The following LRRC4C variants were observed in gnomAD, a reference collection of about 807,000 sequenced individuals.
The protein encoded by LRRC4C is leucine-rich repeat-containing protein 4C.
In LRRC4C, 5 loss-of-function variants were observed where a neutral mutation model predicts 33.6. The ratio of observed to expected loss-of-function variants is 0.15; its 90% CI spans 0.08 to 0.31. LRRC4C has a LOEUF of 0.31. Ranked by LOEUF, LRRC4C falls within the 10% of genes least tolerant of loss-of-function variation. The pLI is 1.00. For synonymous variants in LRRC4C, 329 were observed against 302.0 expected, an observed-to-expected ratio of 1.09 and a Z score of -0.93; for missense variants, 560 against 796.7, an observed-to-expected ratio of 0.70 and a Z score of 3.58.
chr11:40,687,707 T>G (rs1210971932), intron 2 of LRRC4C, among the ~76,000 whole-genome samples: 1 of 152,100 alleles, frequency 6.6e-6, no homozygotes, highest in Non-Finnish European at 1.5e-5. Flanking sequence ...TTATTTCACT[T>G]ATCAAGACAA....
intron 1 of LRRC4C, among the ~76,000 whole-genome samples, chr11:41,295,645 C>G (rs959688929): frequency 3.3e-5 from 5 of 151,582 alleles, no homozygotes; most frequent in African/African-American, 4.8e-5. Context: ...AACCTGACTC[C>G]GGGAACTTCA....
rs556580919 is a variant in LRRC4C at position 40,871,825 on chromosome 11, G to T, written c.-407+61810C>A. 2.0e-5 allele frequency among the ~76,000 whole-genome samples: 3 copies of T among 152,190 alleles called. No homozygotes were observed. The South Asian group carries it at 6.2e-4, about 32-fold the overall frequency. The stretch of plus-strand genomic sequence containing the variant: ...TTTATACCTGCCTTACATGACCTGG[G>T]GATGGAGAACTGCCCTACACACTCA... On this transcript the variant is annotated intron_variant, in intron 2 of 6. Transcript: ENST00000528697.
chr11:41,226,493 C>T (rs1049605230), intron 1 of LRRC4C, among the ~76,000 whole-genome samples: 2 of 152,102 alleles, frequency 1.3e-5, no homozygotes, highest in African/African-American at 4.8e-5. Context: ...GTAAACTCCC[C>T]CAATGTCCTG....
At chr11:40,510,512 T>C (rs966776164) in intron 3 of LRRC4C, among the ~76,000 whole-genome samples, 7 of 152,182 alleles carry the variant, frequency 4.6e-5, no homozygotes, top group Non-Finnish European at 8.8e-5. Flanking sequence ...AAATTCATTA[T>C]ATAATTTCAA....
intron 1 of LRRC4C, among the ~76,000 whole-genome samples, chr11:41,271,714 A>G (rs1450844102): frequency 6.6e-6 from 1 of 152,138 alleles, no homozygotes. Context: ...ATGTGTCATG[A>G]GACCAGGAAT....
intron 1 of LRRC4C, among the ~76,000 whole-genome samples, chr11:41,381,820 T>C (rs1202739659): frequency 6.6e-6 from 1 of 151,682 alleles, no homozygotes; most frequent in Non-Finnish European, 1.5e-5. Context: ...TAGAGCTTTA[T>C]AAATAAAACC....
intron 2 of LRRC4C, among the ~76,000 whole-genome samples, chr11:40,779,026 G>A (rs770138850): frequency 1.2e-3 from 184 of 152,136 alleles, no homozygotes; most frequent in Non-Finnish European, 2.1e-3. Flanking sequence ...AGAATGAAAG[G>A]CAAGATTCAG....
chr11:41,069,046 A>G (rs1254915145), intron 1 of LRRC4C, among the ~76,000 whole-genome samples: 1 of 152,236 alleles, frequency 6.6e-6, no homozygotes, highest in Non-Finnish European at 1.5e-5. Flanking sequence ...CGAATCCAGC[A>G]GCACATTAAA....
intron 1 of LRRC4C, among the ~76,000 whole-genome samples, chr11:41,388,271 A>G (rs904190131): frequency 4.6e-5 from 7 of 151,828 alleles, no homozygotes; most frequent in African/African-American, 1.7e-4. Context: ...TGGTAGTGCT[A>G]GGGTAAAGAT....
At chr11:40,525,432 A>C (rs993764673) in intron 3 of LRRC4C, among the ~76,000 whole-genome samples, 1 of 152,122 alleles carries the variant, frequency 6.6e-6, no homozygotes, top group Admixed American at 6.6e-5. Flanking sequence ...GGTGACAGAG[A>C]GAGACTTTGT....
At chr11:40,226,400 C>G (rs558483378) in intron 5 of LRRC4C, among the ~76,000 whole-genome samples, 3 of 152,196 alleles carry the variant, frequency 2.0e-5, no homozygotes, top group African/African-American at 7.2e-5. Context: ...AAACTCCACT[C>G]GATCCCAGAA....
chr11:40,593,886 A>G (rs1259586378), intron 3 of LRRC4C, among the ~76,000 whole-genome samples: 14 of 152,220 alleles, frequency 9.2e-5, no homozygotes, highest in Admixed American at 6.5e-4. Flanking sequence ...AATAACTCAA[A>G]GGTGACAGGA....
chr11:40,304,183 A>T (rs7943842), intron 4 of LRRC4C, among the ~76,000 whole-genome samples: 87,714 of 151,986 alleles, frequency 0.58, 27,102 homozygotes, highest in East Asian at 0.78. Flanking sequence ...ATTTGGGGAT[A>T]TTGAGGGGCC....
At chr11:41,123,990 G>A (rs1211358285) in intron 1 of LRRC4C, among the ~76,000 whole-genome samples, 1 of 152,094 alleles carries the variant, frequency 6.6e-6, no homozygotes, top group Non-Finnish European at 1.5e-5. Context: ...CTATACTTAG[G>A]CAATTGATTT....
chr11:41,161,154 C>T (rs961876313), intron 1 of LRRC4C, among the ~76,000 whole-genome samples: 1 of 152,076 alleles, frequency 6.6e-6, no homozygotes, highest in Admixed American at 6.6e-5. Flanking sequence ...TTCCATGTAA[C>T]GTAGTGTGCT....
chr11:40,697,872 A>G (rs1056552563), intron 2 of LRRC4C, among the ~76,000 whole-genome samples: 1 of 152,044 alleles, frequency 6.6e-6, no homozygotes, highest in Non-Finnish European at 1.5e-5. Flanking sequence ...GATAGAGACC[A>G]TCCTGGCTAA....
chr11:40,529,111 C>A (rs1956173787), intron 3 of LRRC4C, among the ~76,000 whole-genome samples: 1 of 151,988 alleles, frequency 6.6e-6, no homozygotes. Flanking sequence ...TGACTGTCAG[C>A]ACTATAGTGT....
At chr11:40,337,498 T>C (rs1413699917) in intron 3 of LRRC4C, among the ~76,000 whole-genome samples, 2 of 152,168 alleles carry the variant, frequency 1.3e-5, no homozygotes, top group African/African-American at 4.8e-5. Flanking sequence ...CCTAGAACCT[T>C]TGTCCATTTA....
intron 2 of LRRC4C, among the ~76,000 whole-genome samples, chr11:40,903,471 T>C (rs1186028473): frequency 1.3e-5 from 2 of 152,176 alleles, no homozygotes; most frequent in Non-Finnish European, 2.9e-5. Flanking sequence ...GTCTTGTTAA[T>C]TAAGAAATAC....
Sources: gnomAD v4.1 joint callset for allele counts (sites outside exome capture counted in the v4.1 genomes callset) on GRCh38, gnomAD v4.1.1 for gene constraint, MANE v1.5 for transcripts, NCBI Gene and HGNC (gene_info 2026-07-23, HGNC 2026-07-21) for gene names.